Variants in ADGRL3 observed in about 807,000 individuals in gnomAD.
ADGRL3 encodes the protein adhesion G protein-coupled receptor L3, also known as calcium-independent alpha-latrotoxin receptor 3.
A neutral mutation model predicts 153.5 loss-of-function variants in ADGRL3; 62 were observed. The observed-to-expected ratio is 0.40, with a 90% CI of 0.33 to 0.50. The LOEUF (loss-of-function observed/expected upper bound fraction) is 0.50, where lower values mean the gene tolerates loss of function less well. Among genes scored for constraint, ADGRL3 ranks in the 20% least tolerant of loss-of-function variants. The probability of loss-of-function intolerance (pLI) is 0.47; values close to 1 mark genes in which losing one functional copy is unlikely to be tolerated. For missense variants in ADGRL3, 1,641 were observed against 1,859.4 expected (o/e 0.88, Z 2.16); for synonymous variants, 710 against 672.5 (o/e 1.06, Z -0.86).
chr4:61,400,990 A>G (rs2152112248), intron 2 of ADGRL3, among the ~76,000 whole-genome samples: 1 of 151,508 alleles, frequency 6.6e-6, no homozygotes, highest in East Asian at 1.9e-4. Context: ...TTTTGAATTT[A>G]TCTTTTCTCA....
intron 8 of ADGRL3, among the ~76,000 whole-genome samples, chr4:61,780,940 C>G (rs2097206056): frequency 6.6e-6 from 1 of 152,192 alleles, no homozygotes; most frequent in African/African-American, 2.4e-5. Flanking sequence ...GTAAAAGCAT[C>G]TTTTCAAATC....
At chr4:61,275,274 G>A (rs1454063194) in intron 1 of ADGRL3, among the ~76,000 whole-genome samples, 1 of 152,138 alleles carries the variant, frequency 6.6e-6, no homozygotes, top group Non-Finnish European at 1.5e-5. Flanking sequence ...TCTGAGGGTA[G>A]GGATTCTGCC....
intron 1 of ADGRL3, among the ~76,000 whole-genome samples, chr4:61,221,135 A>G (rs989377070): frequency 2.6e-5 from 4 of 152,210 alleles, no homozygotes; most frequent in African/African-American, 9.6e-5. Flanking sequence ...CTTTATCCTA[A>G]GTTAACTTCT....
At chr4:61,272,101 A>T (rs534499531) in intron 1 of ADGRL3, among the ~76,000 whole-genome samples, 5 of 149,644 alleles carry the variant, frequency 3.3e-5, no homozygotes, top group African/African-American at 1.2e-4. Flanking sequence ...ATTATTACTT[A>T]GAATCCCTGA....
chr4:61,400,211 A>T (rs74693051), intron 2 of ADGRL3, among the ~76,000 whole-genome samples: 92 of 151,874 alleles, frequency 6.1e-4, no homozygotes, highest in African/African-American at 2.1e-3. Context: ...TTAATTTTAT[A>T]TTGAAGAAAC....
chr4:61,282,934 G>A (rs908918285), intron 1 of ADGRL3, among the ~76,000 whole-genome samples: 1 of 152,150 alleles, frequency 6.6e-6, no homozygotes, highest in South Asian at 2.1e-4. Context: ...CAGACCCAGA[G>A]TTTTTGTTAT....
intron 1 of ADGRL3, among the ~76,000 whole-genome samples, chr4:61,260,734 TTA>T (rs1491347563): frequency 1.5e-4 from 23 of 148,772 alleles, no homozygotes; most frequent in African/African-American, 2.7e-4. Flanking sequence ...AAAATTTTTT[TTA>T]TTTTTTTGAG....
chr4:61,776,585 T>G (rs1561231485), intron 8 of ADGRL3, among the ~76,000 whole-genome samples: 1 of 152,158 alleles, frequency 6.6e-6, no homozygotes, highest in Non-Finnish European at 1.5e-5. Context: ...TTTTAAAAAA[T>G]ATATTCCTAT....
intron 8 of ADGRL3, among the ~76,000 whole-genome samples, chr4:61,797,966 G>A (rs1336534263): frequency 6.6e-6 from 1 of 152,156 alleles, no homozygotes; most frequent in Non-Finnish European, 1.5e-5. Context: ...CTGGATCACA[G>A]CCATCTATTA....
intron 2 of ADGRL3, among the ~76,000 whole-genome samples, chr4:61,439,847 C>G (rs958827851): frequency 3.3e-5 from 5 of 151,976 alleles, no homozygotes; most frequent in Non-Finnish European, 5.9e-5. Flanking sequence ...CTACACTTGC[C>G]CTGTAACTCA....
chr4:62,063,672 C>T, intron 25 of ADGRL3: 8 of 636,928 alleles, frequency 1.3e-5, no homozygotes, highest in Non-Finnish European at 2.3e-5. Flanking sequence ...AAGTGAGAGT[C>T]CCATTTTATG....
chr4:61,804,738 G>A (rs983845636), intron 8 of ADGRL3, among the ~76,000 whole-genome samples: 1 of 152,114 alleles, frequency 6.6e-6, no homozygotes, highest in African/African-American at 2.4e-5. Flanking sequence ...TTATTTGAGA[G>A]TAATACATGA....
chr4:62,070,433 A>T lies in ADGRL3; in HGVS notation c.4157A>T (p.His1386Leu), dbSNP rs1309350783. ...CTGGATGATGCCACCTCGTTTAACC[A>T]CGAGGAGAGTTTGGGCCTGGAACTC... ...IVLDDATSFN[H>L]EESLGLELIH... The change falls in exon 27 of 27, where the codon CAC becomes CTC. Residue 1386 changes from histidine (H) to leucine (L), a missense_variant. This residue lies in a region of ADGRL3 where 517 missense variants were observed against 555.0 expected (regional missense o/e 0.93). Coordinates refer to ENST00000683033, the MANE Select transcript of ADGRL3 (RefSeq NM_001387552.1). 4 of 1,551,736 alleles carry T rather than the reference A, an allele frequency of 2.6e-6. No homozygotes were observed. Among genetic ancestry groups the T allele is most frequent in the Non-Finnish European group, 3.5e-6 (4 of 1,147,042 alleles).
At chr4:61,630,935 A>G (rs964221821) in intron 5 of ADGRL3, among the ~76,000 whole-genome samples, 2 of 152,208 alleles carry the variant, frequency 1.3e-5, no homozygotes, top group African/African-American at 2.4e-5. Flanking sequence ...TTACTATTCT[A>G]AATAATTCTG....
intron 1 of ADGRL3, among the ~76,000 whole-genome samples, chr4:61,335,126 T>C (rs1342455024): frequency 6.6e-6 from 1 of 152,098 alleles, no homozygotes; most frequent in Non-Finnish European, 1.5e-5. Context: ...TTATTAAAAA[T>C]TAATAAAATG....
Position 61,481,617 on chromosome 4 carries a change from GT to G in ADGRL3, c.-173-15495del, listed in dbSNP as rs947135547. ...GGATTTTATATATTAATGAGTGTTTGTTTTTTTTTGTCGAGACCACATGGAA... is the reference window on the plus strand; with the variant it reads ...GGATTTTATATATTAATGAGTGTTTGTTTTTTTTGTCGAGACCACATGGAA... On this transcript the variant is annotated intron_variant, in intron 2 of 26. Transcript: ENST00000683033. Among the ~76,000 whole-genome samples, 48 of 149,922 alleles carry G rather than the reference GT, an allele frequency of 3.2e-4. No individual in the cohort carries two copies. In the South Asian group the frequency reaches 4.7e-3, roughly 15 times the overall value.
intron 17 of ADGRL3, among the ~76,000 whole-genome samples, chr4:61,964,317 T>A (rs879452827): frequency 1.3e-5 from 2 of 152,206 alleles, no homozygotes; most frequent in Non-Finnish European, 2.9e-5. Context: ...ATATGACTTA[T>A]TAATTCACTA....
At chr4:61,336,554 T>G (rs1406992120) in intron 1 of ADGRL3, among the ~76,000 whole-genome samples, 1 of 152,098 alleles carries the variant, frequency 6.6e-6, no homozygotes, top group Non-Finnish European at 1.5e-5. Flanking sequence ...TACAGGTTAT[T>G]TTGGTGGCTT....
At chr4:61,224,247 G>A (rs1311796411) in intron 1 of ADGRL3, among the ~76,000 whole-genome samples, 2 of 151,968 alleles carry the variant, frequency 1.3e-5, no homozygotes, top group East Asian at 1.9e-4. Flanking sequence ...AAAATTTGTT[G>A]GGTGAACTCA....
Sources: allele counts gnomAD v4.1 joint callset (sites outside exome capture counted in the v4.1 genomes callset), GRCh38; gene constraint gnomAD v4.1.1; regional missense constraint gnomAD v4.1.1; transcripts MANE v1.5; gene names NCBI Gene and HGNC (gene_info 2026-07-23, HGNC 2026-07-21).